SP140L: variants seen among roughly 807,000 people sequenced by gnomAD.
SP140L encodes the protein SP140 like nuclear body protein.
In SP140L, 64 loss-of-function variants were observed where a neutral mutation model predicts 84.3. The observed-to-expected ratio is 0.76, with a 90% CI of 0.62 to 0.94. The LOEUF (loss-of-function observed/expected upper bound fraction) is 0.94. Ranked by LOEUF, SP140L falls within the 40% of genes least tolerant of loss-of-function variation. The pLI, the probability that SP140L is intolerant of heterozygous loss-of-function variation, is 0.00. For missense variants in SP140L, 628 were observed against 692.5 expected, an observed-to-expected ratio of 0.91 and a Z score of 1.05; for synonymous variants, 242 against 236.9, an observed-to-expected ratio of 1.02 and a Z score of -0.20.
At chr2:230,389,157 C>T (rs1318864520) in intron 10 of SP140L, among the ~76,000 whole-genome samples, 2 of 152,168 alleles carry the variant, frequency 1.3e-5, no homozygotes, top group Non-Finnish European at 2.9e-5. Context: ...ATTAGTCCAT[C>T]CCAGTCTAAA....
At chr2:230,355,767 C>T (rs1430805354) in intron 2 of SP140L, among the ~76,000 whole-genome samples, 2 of 151,992 alleles carry the variant, frequency 1.3e-5, no homozygotes, top group Non-Finnish European at 2.9e-5. Flanking sequence ...CTTGGAGTGG[C>T]AAATTCTTCT....
chr2:230,344,708 A>T (rs1193033643), intron 2 of SP140L, among the ~76,000 whole-genome samples: 3 of 151,598 alleles, frequency 2.0e-5, no homozygotes, highest in Non-Finnish European at 4.4e-5. Context: ...TTTTGTTTTC[A>T]TTTTTGTTTG....
At chr2:230,343,901 C>G (rs2060135718) in intron 2 of SP140L, among the ~76,000 whole-genome samples, 2 of 152,184 alleles carry the variant, frequency 1.3e-5, no homozygotes, top group South Asian at 4.1e-4. Flanking sequence ...GTTATGATTA[C>G]TGTTTTTTTT....
At position 230,392,229 on chromosome 2, in the gene SP140L, G is replaced by A. The variant is rs1328505603; in HGVS notation, c.1107G>A (p.Glu369=). ...CGGWPLRRLM[E]EGSLPNPPRI... ...GGTGGCCCCTACGACGGCTGATGGA[G>A]GTATTCCAATGACAAGAGGCCAGAC... is the stretch of plus-strand genomic sequence containing the variant. The change falls in exon 12 of 19, where the codon GAG becomes GAA. Residue 369 remains glutamate, a splice_region_variant and synonymous_variant. Transcript: ENST00000415673. 1.2e-6 allele frequency: 2 copies of A among 1,613,780 alleles called. No homozygotes were observed. The highest frequency in any genetic ancestry group is 1.7e-6 in the Non-Finnish European group (2 of 1,179,880).
At chr2:230,370,824 A>G in intron 5 of SP140L, 84 bp from the exon 6 acceptor site, 1 of 1,351,964 alleles carries the variant, frequency 7.4e-7, no homozygotes, top group Non-Finnish European at 1.0e-6. Context: ...GCAAATTAAA[A>G]GTTCATAAAT....
chr2:230,343,994 T>C (rs2060139002), intron 2 of SP140L, among the ~76,000 whole-genome samples: 3 of 152,210 alleles, frequency 2.0e-5, no homozygotes, highest in Admixed American at 1.3e-4. Flanking sequence ...GAATGTGTAT[T>C]CTGTTGTTTT....
intron 13 of SP140L, among the ~76,000 whole-genome samples, chr2:230,394,341 C>T (rs780290324): frequency 6.6e-5 from 10 of 152,218 alleles, no homozygotes; most frequent in Non-Finnish European, 1.2e-4. Context: ...CATCCTTATG[C>T]ACTTCAGGTA....
chr2:230,337,059 G>A (rs1010764457), intron 2 of SP140L, among the ~76,000 whole-genome samples: 6 of 152,186 alleles, frequency 3.9e-5, no homozygotes, highest in African/African-American at 1.4e-4. Flanking sequence ...GATCCTTGAG[G>A]AATCGCCACA....
At chr2:230,354,950 AAGAG>A (rs796943493) in intron 2 of SP140L, among the ~76,000 whole-genome samples, 1 of 151,920 alleles carries the variant, frequency 6.6e-6, no homozygotes, top group African/African-American at 2.4e-5. Flanking sequence ...AAAAGAAAGA[AAGAG>A]AAAGAAAGGG....
Position 230,392,096 on chromosome 2 carries a change from C to A in SP140L, c.974C>A (p.Ala325Glu). 1 of 1,613,740 alleles carries A rather than the reference C, an allele frequency of 6.2e-7. No individual in the cohort carries two copies. Among genetic ancestry groups the A allele is most frequent in the South Asian group, 1.1e-5 (1 of 91,078 alleles). The change falls in exon 12 of 19, where the codon GCA (alanine) becomes GAA (glutamate). Residue 325 changes from alanine to glutamate, a missense_variant. Physicochemically the swap from Ala to Glu is moderately radical, Grantham distance 107 (BLOSUM62 -1). Transcript: ENST00000415673. Reference protein sequence around the residue: ...HKEKLEQGTLAKCIQTEDGKW... With the variant: ...HKEKLEQGTLEKCIQTEDGKW... ...TACCCTGGTCTTACAGGAACCTTGG[C>A]AAAGTGTATACAGACTGAGGATGGA...
intron 4 of SP140L, among the ~76,000 whole-genome samples, chr2:230,360,925 T>C (rs2060694938): frequency 6.6e-6 from 1 of 152,148 alleles, no homozygotes; most frequent in Admixed American, 6.5e-5. Flanking sequence ...TAAAGCTGTT[T>C]GGGTTTTCTC....
At chr2:230,391,230 T>C (rs1419278651) in intron 11 of SP140L, among the ~76,000 whole-genome samples, 1 of 152,224 alleles carries the variant, frequency 6.6e-6, no homozygotes, top group Non-Finnish European at 1.5e-5. Context: ...TTGGAGTGTA[T>C]ATTCAAGAAA....
At chr2:230,394,632 C>A (rs1393069099) in intron 13 of SP140L, among the ~76,000 whole-genome samples, 1 of 152,194 alleles carries the variant, frequency 6.6e-6, no homozygotes, top group Non-Finnish European at 1.5e-5. Flanking sequence ...CTGGCAATTT[C>A]CAACCAACCG....
chr2:230,342,457 G>A (rs1482707285), intron 2 of SP140L, among the ~76,000 whole-genome samples: 1 of 152,232 alleles, frequency 6.6e-6, no homozygotes, highest in Non-Finnish European at 1.5e-5. Flanking sequence ...CATCTTCTGC[G>A]TCGCTCACGC....
chr2:230,346,290 T>A (rs2149705396), intron 2 of SP140L, among the ~76,000 whole-genome samples: 1 of 152,304 alleles, frequency 6.6e-6, no homozygotes, highest in South Asian at 2.1e-4. Context: ...TGATAAGTTA[T>A]GCTTTCCTTG....
intron 14 of SP140L, 37 bp from the exon 15 acceptor site, chr2:230,400,090 T>C (rs552084103): frequency 1.2e-6 from 2 of 1,610,980 alleles, no homozygotes; most frequent in South Asian, 1.1e-5. Flanking sequence ...CTGAATCTTG[T>C]GATTCCCAGT....
At chr2:230,386,772 A>C (rs1039492499) in intron 9 of SP140L, among the ~76,000 whole-genome samples, 7 of 152,232 alleles carry the variant, frequency 4.6e-5, no homozygotes, top group African/African-American at 1.7e-4. Flanking sequence ...TAAATCCGAC[A>C]TACCCACTAG....
At chr2:230,371,078 C>T (rs1391631296) in intron 6 of SP140L, 111 bp downstream of exon 6, 3 of 914,820 alleles carry the variant, frequency 3.3e-6, no homozygotes, top group Non-Finnish European at 5.2e-6. Context: ...TGTGCATTTG[C>T]CTCACCCAAG....
At chr2:230,388,473 C>T (rs557728795) in intron 9 of SP140L, 86 bp from the exon 10 acceptor site, 3 of 1,123,904 alleles carry the variant, frequency 2.7e-6, no homozygotes, top group South Asian at 3.6e-5. Context: ...TGGAAAGTTA[C>T]ATTTAAATGG....
Sources: allele counts gnomAD v4.1 joint callset (sites outside exome capture counted in the v4.1 genomes callset), GRCh38; gene constraint gnomAD v4.1.1; transcripts MANE v1.5; gene names NCBI Gene and HGNC (gene_info 2026-07-23, HGNC 2026-07-21).